PDLIM3: variants seen among roughly 807,000 people sequenced by gnomAD.
The protein encoded by PDLIM3 is PDZ and LIM domain 3.
PDLIM3 carries 36 observed loss-of-function variants against 37.3 expected under a neutral mutation model. That is an observed-to-expected ratio of 0.97 (90% CI 0.74 to 1.28). The LOEUF is 1.28. PDLIM3 is among the 50% of genes most tolerant of loss of function. The pLI is 0.00. For missense variants in PDLIM3, 454 were observed against 485.0 expected (o/e 0.94, Z 0.60); for synonymous variants, 174 against 182.4 (o/e 0.95, Z 0.37).
In PDLIM3 at chr4:185,507,718, A is replaced by G. The variant is rs549572479; in HGVS notation, c.662+581T>C. Among the ~76,000 whole-genome samples the G allele has an allele frequency of 7.9e-5, 12 of 152,292 alleles. No homozygotes were observed. The South Asian group carries it at 2.3e-3, about 29-fold the overall frequency. On this transcript the variant is annotated intron_variant, in intron 5 of 7. Coordinates refer to ENST00000284767, the MANE Select transcript of PDLIM3 (RefSeq NM_014476.6). ...TATAACAAAGAAAAAATTAGTCAAA[A>G]AGAGACCAGCAAAAATTAAATATCT...
At chr4:185,528,297 C>T (rs3792699) in intron 1 of PDLIM3, among the ~76,000 whole-genome samples, 21 of 152,298 alleles carry the variant, frequency 1.4e-4, no homozygotes, top group East Asian at 1.2e-3. Flanking sequence ...TTTAAACACA[C>T]ATCTGAACAA....
At chr4:185,511,365 CTACT>C (rs983204783) in intron 4 of PDLIM3, among the ~76,000 whole-genome samples, 24 of 78,834 alleles carry the variant, frequency 3.0e-4, no homozygotes, top group Admixed American at 1.2e-3. Context: ...GTCCAACTTA[CTACT>C]TTTTTTTTTT....
chr4:185,534,095 A>G (rs566069287), intron 1 of PDLIM3, among the ~76,000 whole-genome samples: 41 of 152,344 alleles, frequency 2.7e-4, no homozygotes, highest in African/African-American at 9.4e-4. Context: ...CATGTTTCAT[A>G]TAAAAACACG....
At chr4:185,530,589 T>TA (rs1452925996) in intron 1 of PDLIM3, among the ~76,000 whole-genome samples, 1 of 152,194 alleles carries the variant, frequency 6.6e-6, no homozygotes, top group Non-Finnish European at 1.5e-5. Context: ...CCCTGTACAC[T>TA]AGCCTCCCCT....
chr4:185,514,489 C>T lies in PDLIM3; in HGVS notation c.331-152G>A. The T allele has an allele frequency of 6.7e-7, 1 of 1,491,760 alleles. No homozygotes were observed. The highest frequency in any genetic ancestry group is 1.9e-4 in the Middle Eastern group (1 of 5,242). 92.4% of individuals were successfully genotyped at this position (1,491,760 alleles called of 1,614,324 possible). On this transcript the variant is annotated intron_variant, in intron 3 of 7. Coordinates refer to ENST00000284767, the MANE Select transcript of PDLIM3 (RefSeq NM_014476.6). This position sits in a 1 kb window ranked among gnomAD's most constrained non-coding sequence, Gnocchi z 4.0. ...GATGACGGGACCAGGACGATGTCTT[C>T]TTTCCAACCATCTATCCGCTAAACG...
chr4:185,511,368 C>CTT (rs11362501), intron 4 of PDLIM3, among the ~76,000 whole-genome samples: 2 of 145,820 alleles, frequency 1.4e-5, no homozygotes, highest in Non-Finnish European at 3.0e-5. Flanking sequence ...CAACTTACTA[C>CTT]TTTTTTTTTT....
chr4:185,535,464 A>C lies in PDLIM3; in HGVS notation c.-30T>G. ...CCTTCCTCCCGCCCACCGGGCTCTA[A>C]GTGTCCCCGCGCAGGGCAGCCACTC... On this transcript the variant is annotated 5_prime_UTR_variant, in exon 1 of 8. Coordinates refer to ENST00000284767, the MANE Select transcript of PDLIM3 (RefSeq NM_014476.6). 3.2e-6 allele frequency: 5 copies of C among 1,542,482 alleles called. No individual in the cohort carries two copies. Among genetic ancestry groups the C allele is most frequent in the Non-Finnish European group, 3.5e-6 (4 of 1,140,944 alleles).
intron 5 of PDLIM3, chr4:185,506,859 G>T (rs74721183): frequency 5.4e-6 from 3 of 550,734 alleles, no homozygotes; most frequent in African/African-American, 3.8e-5. Context: ...ACAACAAATC[G>T]GGGAGTCACA....
Position 185,523,428 on chromosome 4 carries a change from C to T in PDLIM3, c.264G>A (p.Trp88Ter), listed in dbSNP as rs770996211. ...TCCCATCTTCAGATACTTGTGGAGA[C>T]CATAAGTGAGTTTCTCCCCTGGAAA... ...LKIDRGETHL[W>*]SPQVSEDGKA... is the part of the protein sequence containing the mutation. The change falls in exon 3 of 8, where the codon TGG becomes TGA. Residue 88 changes from tryptophan (W) to a stop codon, truncating the protein, a stop_gained. Coordinates refer to ENST00000284767, the MANE Select transcript of PDLIM3 (RefSeq NM_014476.6). LOFTEE classifies it high-confidence loss of function. 1.2e-6 allele frequency: 2 copies of T among 1,607,022 alleles called. No homozygotes were observed. Among genetic ancestry groups the T allele is most frequent in the Non-Finnish European group, 1.7e-6 (2 of 1,174,004 alleles).
chr4:185,527,612 C>T (rs116077835), intron 1 of PDLIM3, among the ~76,000 whole-genome samples: 6,524 of 152,196 alleles, frequency 0.043, 257 homozygotes, highest in African/African-American at 0.092. Context: ...ATTCTCAGAC[C>T]CAGAACTGTT....
chr4:185,519,342 G>A (rs2095719322), intron 3 of PDLIM3, among the ~76,000 whole-genome samples: 1 of 152,196 alleles, frequency 6.6e-6, no homozygotes, highest in South Asian at 2.1e-4. Context: ...CTGGAGTGCA[G>A]TGGTGCGATC....
At chr4:185,513,980 TCA>T in intron 4 of PDLIM3, 3 of 1,279,730 alleles carry the variant, frequency 2.3e-6, no homozygotes, top group South Asian at 3.1e-5. Context: ...GACTCAAAGG[TCA>T]CAGTGTTCTG....
At chr4:185,523,585 T>G in intron 2 of PDLIM3, 139 bp from the exon 3 acceptor site, 1 of 595,120 alleles carries the variant, frequency 1.7e-6, no homozygotes, top group Middle Eastern at 4.5e-4. Flanking sequence ...TTTTTGCTGA[T>G]TATTCTGTAT....
At chr4:185,506,705 G>T in intron 5 of PDLIM3, 53 bp from the exon 6 acceptor site, 2 of 1,576,016 alleles carry the variant, frequency 1.3e-6, no homozygotes, top group East Asian at 2.2e-5. Context: ...GGCACCAGAC[G>T]TGCAAGAGGC....
chr4:185,512,601 T>C lies in PDLIM3; in HGVS notation c.398+1669A>G, dbSNP rs186922100. 53 of 931,212 alleles carry C rather than the reference T, an allele frequency of 5.7e-5. 1 individual carries two copies. The African/African-American group carries it at 7.1e-4, about 12-fold the overall frequency. 57.7% of individuals were successfully genotyped at this position (931,212 alleles called of 1,614,324 possible). On this transcript the variant is annotated intron_variant, in intron 4 of 7. Transcript: ENST00000284767. ...TAGGATTCTCTGACTTTCCTGACTT[T>C]TTATAAAATTAAATGTTATAGGTTT...
chr4:185,513,356 C>T (rs2095709629), intron 4 of PDLIM3: 1 of 984,950 alleles, frequency 1.0e-6, no homozygotes, highest in Non-Finnish European at 1.2e-6. Context: ...TAAGGGATGA[C>T]CTGCTATCCG....
Position 185,502,182 on chromosome 4 carries a change from C to A in PDLIM3, c.*112G>T. On this transcript the variant is annotated 3_prime_UTR_variant, in exon 8 of 8. Transcript: ENST00000284767. ...ATAGGATAAAGGTCTAAAGCCTTGA[C>A]TTTAGATTTGGAGTTGACAATCTGC... 1 of 1,112,968 alleles carries A rather than the reference C, an allele frequency of 9.0e-7. No individual in the cohort carries two copies. The highest frequency in any genetic ancestry group is 1.4e-6 in the Non-Finnish European group (1 of 739,816). The allele number at this position is 1,112,968 out of a possible 1,614,324, so 68.9% of individuals were successfully genotyped here.
intron 5 of PDLIM3, among the ~76,000 whole-genome samples, chr4:185,507,586 A>T (rs760560731): frequency 1.8e-4 from 28 of 152,182 alleles, no homozygotes; most frequent in Non-Finnish European, 3.4e-4. Flanking sequence ...TAATAATTTA[A>T]TTTATAAATA....
chr4:185,529,519 G>A lies in PDLIM3; in HGVS notation c.94-4348C>T, dbSNP rs139938907. Among the ~76,000 whole-genome samples the A allele has an allele frequency of 4.6e-3, 695 of 152,262 alleles. 9 individuals carry two copies. The highest frequency in any genetic ancestry group is 0.016 in the African/African-American group (666 of 41,534). ...GACCAAAATCATGAGAAACCCCATT[G>A]TTCATTCTCCATCCCTAGCAAATAG... On this transcript the variant is annotated intron_variant, in intron 1 of 7. Coordinates refer to ENST00000284767, the MANE Select transcript of PDLIM3 (RefSeq NM_014476.6).
Sources: gnomAD v4.1 joint callset for allele counts (sites outside exome capture counted in the v4.1 genomes callset) on GRCh38, gnomAD v4.1.1 for gene constraint, Gnocchi (gnomAD v3.1) non-coding constraint, MANE v1.5 for transcripts, NCBI Gene and HGNC (gene_info 2026-07-23, HGNC 2026-07-21) for gene names.